The following MINDY3 variants were observed in gnomAD, a reference collection of about 807,000 sequenced individuals.
MINDY3 encodes MINDY lysine 48 deubiquitinase 3.
A neutral mutation model predicts 69.2 loss-of-function variants in MINDY3; 38 were observed. That is an observed-to-expected ratio of 0.55 (90% CI 0.42 to 0.72). The LOEUF (loss-of-function observed/expected upper bound fraction) is 0.72. MINDY3 is among the 30% of genes least tolerant of loss of function. The pLI, the probability that MINDY3 is intolerant of heterozygous loss-of-function variation, is 0.00. For missense variants in MINDY3, 522 were observed against 519.0 expected, an observed-to-expected ratio of 1.01 and a Z score of -0.06; for synonymous variants, 192 against 180.1, an observed-to-expected ratio of 1.07 and a Z score of -0.53.
chr10:15,849,433 TATC>T (rs1163654224), intron 1 of MINDY3, among the ~76,000 whole-genome samples: 1 of 150,390 alleles, frequency 6.6e-6, no homozygotes, highest in Non-Finnish European at 1.5e-5. Context: ...AAAACAGTAA[TATC>T]ATCTTACTGG....
chr10:15,818,124 A>C (rs1839500312), intron 9 of MINDY3: 1 of 152,236 alleles, frequency 6.6e-6, no homozygotes, highest in South Asian at 2.1e-4. Flanking sequence ...AAGGAACCAG[A>C]GAAATACACA....
intron 1 of MINDY3, among the ~76,000 whole-genome samples, chr10:15,859,081 CA>C (rs2132166579): frequency 6.6e-6 from 1 of 152,246 alleles, no homozygotes; most frequent in South Asian, 2.1e-4. Flanking sequence ...TTTACCTTTA[CA>C]ACTAATTTTT....
intron 11 of MINDY3, among the ~76,000 whole-genome samples, chr10:15,790,205 A>C (rs1837304169): frequency 6.6e-6 from 1 of 152,114 alleles, no homozygotes; most frequent in Non-Finnish European, 1.5e-5. Context: ...AGGGTGTGGA[A>C]TTGTACACTA....
chr10:15,798,264 T>C (rs755642470), intron 10 of MINDY3, among the ~76,000 whole-genome samples: 1 of 152,118 alleles, frequency 6.6e-6, no homozygotes, highest in Non-Finnish European at 1.5e-5. Flanking sequence ...GAAATGTAAC[T>C]GAAGCGTTAC....
In MINDY3 at chr10:15,783,003, C is replaced by A. The variant is rs148685915; in HGVS notation, c.1117-777G>T. On this transcript the variant is annotated intron_variant, in intron 13 of 14. Transcript: ENST00000277632. ...CCTGGCTGAGTCTGCCTGGATAGAT[C>A]CCCCTTGTCTTCCTGGCCATATCCG... 2.5e-3 allele frequency among the ~76,000 whole-genome samples: 386 copies of A among 152,300 alleles called. 3 individuals carry two copies. The highest frequency in any genetic ancestry group is 8.5e-3 in the African/African-American group (354 of 41,574).
intron 10 of MINDY3, among the ~76,000 whole-genome samples, chr10:15,796,896 C>T (rs1837879732): frequency 6.6e-6 from 1 of 152,066 alleles, no homozygotes; most frequent in Non-Finnish European, 1.5e-5. Context: ...CTACTTGACA[C>T]ACATGAATCT....
rs1389135056 is a variant in MINDY3, at chr10:15,789,405, A to AG, written c.956-87_956-86insC. 3 of 996,852 alleles carry AG rather than the reference A, an allele frequency of 3.0e-6. No individual in the cohort carries two copies. In the East Asian group the frequency reaches 7.5e-5, roughly 25 times the overall value. 61.8% of individuals were successfully genotyped at this position (996,852 alleles called of 1,614,324 possible). A position where few individuals can be genotyped will look rare whatever the true frequency, so the allele number is the denominator to read the frequency against. On this transcript the variant is annotated intron_variant, in intron 11 of 14. Coordinates refer to ENST00000277632, the MANE Select transcript of MINDY3 (RefSeq NM_024948.4). ...ATGCTGATCAGGTTCCAGGAAAAAA[A>AG]AATCGCATAAAAAATACAAAGAGTT...
At chr10:15,819,476 G>A (rs116798831) in intron 9 of MINDY3, among the ~76,000 whole-genome samples, 2,351 of 152,220 alleles carry the variant, frequency 0.015, 50 homozygotes, top group African/African-American at 0.051. Context: ...ACACTCCAGG[G>A]ATCACCCTAA....
At chr10:15,795,250 T>C (rs901532066) in intron 11 of MINDY3, among the ~76,000 whole-genome samples, 2 of 152,012 alleles carry the variant, frequency 1.3e-5, no homozygotes, top group African/African-American at 2.4e-5. Flanking sequence ...AAGAAAACAG[T>C]AGACCTAAAA....
At chr10:15,849,329 G>C (rs143365250) in intron 1 of MINDY3, among the ~76,000 whole-genome samples, 5 of 152,300 alleles carry the variant, frequency 3.3e-5, no homozygotes, top group Admixed American at 2.6e-4. Flanking sequence ...GGGTAGGATG[G>C]AGGTGCCAGC....
At chr10:15,836,275 G>A (rs1175242972) in intron 6 of MINDY3, among the ~76,000 whole-genome samples, 1 of 151,936 alleles carries the variant, frequency 6.6e-6, no homozygotes, top group Non-Finnish European at 1.5e-5. Flanking sequence ...TAGAAAACTT[G>A]CCCTCATGCA....
chr10:15,794,381 C>G (rs114936630), intron 11 of MINDY3, among the ~76,000 whole-genome samples: 2,298 of 152,138 alleles, frequency 0.015, 50 homozygotes, highest in African/African-American at 0.05. Flanking sequence ...TACTTTTAAT[C>G]CTTCTTAGAG....
intron 2 of MINDY3, 27 bp downstream of exon 2, chr10:15,847,837 A>T: frequency 1.9e-6 from 3 of 1,553,982 alleles, no homozygotes; most frequent in Non-Finnish European, 8.9e-7. Context: ...TGTCCCTCTA[A>T]GGAGTTGGTA....
intron 2 of MINDY3, among the ~76,000 whole-genome samples, chr10:15,844,478 T>C (rs186951174): frequency 2.6e-5 from 4 of 152,304 alleles, no homozygotes; most frequent in Non-Finnish European, 4.4e-5. Context: ...ATGAATGTAT[T>C]TTCTGTTTTT....
intron 1 of MINDY3, among the ~76,000 whole-genome samples, chr10:15,848,469 C>A (rs1834010534): frequency 6.6e-6 from 1 of 151,408 alleles, no homozygotes; most frequent in African/African-American, 2.4e-5. Context: ...CCCGTCTCTA[C>A]TAAAAATACA....
At chr10:15,819,079 A>G (rs1176523632) in intron 9 of MINDY3, among the ~76,000 whole-genome samples, 3 of 152,142 alleles carry the variant, frequency 2.0e-5, no homozygotes, top group Admixed American at 6.5e-5. Context: ...GTTGAGAGGG[A>G]GAGTGCAGGA....
intron 10 of MINDY3, among the ~76,000 whole-genome samples, chr10:15,812,742 T>G (rs1322437262): frequency 2.0e-5 from 3 of 152,184 alleles, no homozygotes; most frequent in Admixed American, 6.5e-5. Flanking sequence ...ACTTATTACG[T>G]GATGTGCATA....
At chr10:15,786,675 G>A in intron 12 of MINDY3, 27 bp from the exon 13 acceptor site, 1 of 1,284,508 alleles carries the variant, frequency 7.8e-7, no homozygotes, top group Non-Finnish European at 1.1e-6. Context: ...GAAAAACAGT[G>A]GATACCAGAG....
rs115166455 is a variant in MINDY3 at position 15,841,339 on chromosome 10, T to A, written c.409+87A>T. 4.6e-3 allele frequency: 4,956 copies of A among 1,066,062 alleles called. 102 individuals are homozygous for A. The African/African-American group carries it at 0.058, about 12-fold the overall frequency. The allele number at this position is 1,066,062 out of a possible 1,614,324, so 66.0% of individuals were successfully genotyped here. A position where few individuals can be genotyped will look rare whatever the true frequency, so the allele number is the denominator to read the frequency against. On this transcript the variant is annotated intron_variant, in intron 4 of 14. Transcript: ENST00000277632. The stretch of plus-strand genomic sequence containing the variant: ...AAAAGAATACATGTTATGAAAATTT[T>A]AAGTAATTTTTTCTTCAAAATATTC...
Sources: gnomAD v4.1 joint callset for allele counts (sites outside exome capture counted in the v4.1 genomes callset) on GRCh38, gnomAD v4.1.1 for gene constraint, MANE v1.5 for transcripts, NCBI Gene and HGNC (gene_info 2026-07-23, HGNC 2026-07-21) for gene names.